MCTP2: variants seen among roughly 807,000 people sequenced by gnomAD.
MCTP2 encodes the protein multiple C2 and transmembrane domain-containing protein 2.
MCTP2 carries 132 observed loss-of-function variants against 111.6 expected under a neutral mutation model. The observed-to-expected ratio is 1.18, with a 90% CI of 1.03 to 1.37. The LOEUF (loss-of-function observed/expected upper bound fraction) is 1.37, where lower values mean the gene tolerates loss of function less well. MCTP2 is among the 40% of genes most tolerant of loss of function. MCTP2 has a pLI of 0.00. For synonymous variants in MCTP2, 395 were observed against 387.7 expected (o/e 1.02, Z -0.22); for missense variants, 1,183 against 1,067.9 (o/e 1.11, Z -1.50).
At chr15:94,277,393 A>G (rs976402822) in intron 1 of MCTP2, among the ~76,000 whole-genome samples, 15 of 152,196 alleles carry the variant, frequency 9.9e-5, no homozygotes, top group Non-Finnish European at 5.9e-5. Flanking sequence ...TAGCAGCTTT[A>G]TTTATAATTG....
chr15:94,355,743 A>T (rs1458622919), intron 8 of MCTP2, among the ~76,000 whole-genome samples: 1 of 152,236 alleles, frequency 6.6e-6, no homozygotes, highest in Non-Finnish European at 1.5e-5. Flanking sequence ...GAATGCCCAG[A>T]GATATTTTGC....
chr15:94,331,388 C>A (rs2077125939), intron 4 of MCTP2, among the ~76,000 whole-genome samples: 1 of 151,060 alleles, frequency 6.6e-6, no homozygotes, highest in African/African-American at 2.4e-5. Flanking sequence ...AGTGTAAGGA[C>A]AGAAAAAGAC....
At chr15:94,295,842 G>A (rs1407320585) in intron 1 of MCTP2, among the ~76,000 whole-genome samples, 1 of 151,690 alleles carries the variant, frequency 6.6e-6, no homozygotes, top group East Asian at 1.9e-4. Context: ...TTGAGCCCAG[G>A]AGTTCGAGGC....
intron 4 of MCTP2, among the ~76,000 whole-genome samples, chr15:94,328,986 C>A (rs1350489602): frequency 1.3e-5 from 2 of 152,142 alleles, no homozygotes; most frequent in Non-Finnish European, 2.9e-5. Context: ...CATGACATGG[C>A]AGCATCAGAG....
At chr15:94,298,006 TA>T (rs1349262678) in intron 1 of MCTP2, among the ~76,000 whole-genome samples, 194 bp from the exon 2 acceptor site, 7 of 152,326 alleles carry the variant, frequency 4.6e-5, no homozygotes, top group Non-Finnish European at 8.8e-5. Context: ...AAAATTCTTT[TA>T]AAAAGTTCTT....
In MCTP2 at chr15:94,298,342, A is replaced by C; in HGVS notation, c.77A>C (p.Lys26Thr). 6.2e-7 allele frequency: 1 copy of C among 1,614,162 alleles called. No individual in the cohort carries two copies. Among genetic ancestry groups the C allele is most frequent in the African/African-American group, 1.3e-5 (1 of 75,054 alleles). ...TRPLLINLSK[K>T]KVKKNPSKPP... is the part of the protein sequence containing the mutation. The stretch of plus-strand genomic sequence containing the variant: ...CCATTGTTGATCAACTTGAGCAAGA[A>C]GAAGGTGAAAAAGAACCCAAGTAAG... The change falls in exon 2 of 23, where the codon AAG (lysine) becomes ACG (threonine). Residue 26 changes from lysine (K) to threonine (T), a missense_variant. Transcript: ENST00000357742.
intron 15 of MCTP2, among the ~76,000 whole-genome samples, chr15:94,399,378 G>C (rs1408354760): frequency 1.3e-5 from 2 of 152,176 alleles, no homozygotes; most frequent in South Asian, 2.1e-4. Flanking sequence ...ACTTGAATCT[G>C]ATTCTTTGGG....
intron 14 of MCTP2, among the ~76,000 whole-genome samples, chr15:94,386,572 A>G (rs1596542390): frequency 1.3e-5 from 2 of 152,186 alleles, no homozygotes; most frequent in Non-Finnish European, 2.9e-5. Flanking sequence ...GGCTCCTGCC[A>G]CATGCTCTGA....
At chr15:94,352,320 C>A (rs1251726926) in intron 8 of MCTP2, among the ~76,000 whole-genome samples, 1 of 152,222 alleles carries the variant, frequency 6.6e-6, no homozygotes, top group Non-Finnish European at 1.5e-5. Context: ...ATGTTTCTAA[C>A]TGGCACAGCA....
At chr15:94,373,971 C>A (rs975395176) in intron 12 of MCTP2, among the ~76,000 whole-genome samples, 1 of 152,192 alleles carries the variant, frequency 6.6e-6, no homozygotes, top group Non-Finnish European at 1.5e-5. Context: ...GACCAACATA[C>A]TTCACTCAGC....
At chr15:94,476,666 A>C (rs374772543) in intron 21 of MCTP2, 30 bp from the exon 22 acceptor site, 19 of 1,096,752 alleles carry the variant, frequency 1.7e-5, no homozygotes, top group Admixed American at 5.1e-5. Context: ...ACAGACAGAT[A>C]AAGAGATCTC....
At chr15:94,336,195 C>A (rs1409291886) in intron 4 of MCTP2, among the ~76,000 whole-genome samples, 1 of 152,148 alleles carries the variant, frequency 6.6e-6, no homozygotes, top group African/African-American at 2.4e-5. Flanking sequence ...AGTCTCCTTC[C>A]CTCCTTCGCT....
At chr15:94,293,589 G>T (rs925209992) in intron 1 of MCTP2, among the ~76,000 whole-genome samples, 2 of 152,164 alleles carry the variant, frequency 1.3e-5, no homozygotes, top group South Asian at 2.1e-4. Flanking sequence ...CCTACACCTC[G>T]GTGCCCAGCA....
intron 22 of MCTP2, among the ~76,000 whole-genome samples, chr15:94,477,574 TATC>T (rs1370677443): frequency 6.6e-6 from 1 of 152,170 alleles, no homozygotes; most frequent in African/African-American, 2.4e-5. Context: ...TGGCGTGAAA[TATC>T]ATCAAGATGA....
At chr15:94,427,756 T>C (rs1159480021) in intron 17 of MCTP2, among the ~76,000 whole-genome samples, 1 of 152,162 alleles carries the variant, frequency 6.6e-6, no homozygotes, top group Non-Finnish European at 1.5e-5. Flanking sequence ...AGGGAGTGCA[T>C]TTGTTTTTGA....
At chr15:94,459,972 A>G (rs899766687) in intron 20 of MCTP2, among the ~76,000 whole-genome samples, 1 of 152,246 alleles carries the variant, frequency 6.6e-6, no homozygotes, top group Admixed American at 6.5e-5. Flanking sequence ...AGATGAGGAA[A>G]CTGAATCACA....
chr15:94,415,376 A>G (rs968875306), intron 17 of MCTP2, among the ~76,000 whole-genome samples: 3 of 151,990 alleles, frequency 2.0e-5, no homozygotes, highest in African/African-American at 7.2e-5. Context: ...AAGAGATGTT[A>G]TTTACCGTAC....
intron 21 of MCTP2, among the ~76,000 whole-genome samples, chr15:94,473,607 T>G (rs1245991015): frequency 6.6e-6 from 1 of 152,220 alleles, no homozygotes; most frequent in East Asian, 1.9e-4. Flanking sequence ...TTAATTATAC[T>G]TTTTCACTTC....
chr15:94,298,496 G>C lies in MCTP2; in HGVS notation c.231G>C (p.Ser77=). Residue 77 remains serine, a synonymous_variant, in exon 2 of 23, where the codon TCG becomes TCC. Coordinates refer to ENST00000357742, the MANE Select transcript of MCTP2 (RefSeq NM_001385001.1). ...CCGGGCCACAGTCTTCCTACACCTC[G>C]GTGCCCAGCAGTCTGTCCACTGCAG... ...PYSGPQSSYT[S]VPSSLSTAGI... 1.2e-6 allele frequency: 2 copies of C among 1,614,004 alleles called. No individual in the cohort carries two copies. The highest frequency in any genetic ancestry group is 2.2e-5 in the South Asian group (2 of 91,078).
Sources: allele counts gnomAD v4.1 joint callset (sites outside exome capture counted in the v4.1 genomes callset), GRCh38; gene constraint gnomAD v4.1.1; transcripts MANE v1.5; gene names NCBI Gene and HGNC (gene_info 2026-07-23, HGNC 2026-07-21).